Variants in ADAMTSL1 observed in about 807,000 individuals in gnomAD.
The protein encoded by ADAMTSL1 is ADAMTS-like protein 1.
Under a neutral mutation model 201.8 loss-of-function variants are expected in ADAMTSL1, and 126 were observed. The ratio of observed to expected loss-of-function variants is 0.62; its 90% CI spans 0.54 to 0.72. The LOEUF (loss-of-function observed/expected upper bound fraction) is 0.72. ADAMTSL1 is among the 30% of genes least tolerant of loss of function. The pLI, the probability that ADAMTSL1 is intolerant of heterozygous loss-of-function variation, is 0.00. For missense variants in ADAMTSL1, 2,679 were observed against 2,277.8 expected (o/e 1.18, Z -3.59); for synonymous variants, 1,121 against 903.4 (o/e 1.24, Z -4.32).
At chr9:18,467,992 C>T (rs1345730154) in intron 2 of ADAMTSL1, among the ~76,000 whole-genome samples, 1 of 152,100 alleles carries the variant, frequency 6.6e-6, no homozygotes, top group South Asian at 2.1e-4. Flanking sequence ...GAATTAGGGG[C>T]CTTGGATTTA....
At chr9:18,188,515 T>A (rs112026656) in intron 2 of ADAMTSL1, among the ~76,000 whole-genome samples, 528 of 152,180 alleles carry the variant, frequency 3.5e-3, no homozygotes, top group Non-Finnish European at 5.7e-3. Flanking sequence ...TTTTACTAGA[T>A]GAGAAAGGAT....
intron 1 of ADAMTSL1, among the ~76,000 whole-genome samples, chr9:17,949,335 G>A (rs2131369441): frequency 6.6e-6 from 1 of 152,162 alleles, no homozygotes; most frequent in African/African-American, 2.4e-5. Flanking sequence ...GAGATATGAA[G>A]GGCTTGCCTT....
chr9:17,909,385 A>C (rs1461465753), intron 1 of ADAMTSL1, among the ~76,000 whole-genome samples: 1 of 146,126 alleles, frequency 6.8e-6, no homozygotes, highest in Non-Finnish European at 1.5e-5. Context: ...TTTATACATG[A>C]AGTCCTTGCC....
At chr9:18,138,145 G>A (rs1188151157) in intron 1 of ADAMTSL1, among the ~76,000 whole-genome samples, 1 of 152,070 alleles carries the variant, frequency 6.6e-6, no homozygotes, top group East Asian at 1.9e-4. Context: ...TGTAAGGGAG[G>A]GGTGATGGAA....
intron 2 of ADAMTSL1, among the ~76,000 whole-genome samples, chr9:18,325,503 T>C (rs1295384439): frequency 6.6e-6 from 1 of 152,208 alleles, no homozygotes; most frequent in Non-Finnish European, 1.5e-5. Context: ...AGATACACTA[T>C]TGGATATATG....
intron 4 of ADAMTSL1, among the ~76,000 whole-genome samples, chr9:18,581,042 G>T (rs530803194): frequency 6.6e-6 from 1 of 152,020 alleles, no homozygotes; most frequent in Admixed American, 6.6e-5. Context: ...TTCTCCCACA[G>T]TTCATGAGGC....
chr9:18,814,919 A>G (rs757842924), intron 20 of ADAMTSL1, among the ~76,000 whole-genome samples: 6 of 152,230 alleles, frequency 3.9e-5, no homozygotes, highest in Non-Finnish European at 7.3e-5. Flanking sequence ...CGTTTCTCAA[A>G]AGAATACATA....
rs114487746 is a variant in ADAMTSL1, at chr9:18,744,346, C to A, written c.2007-8952C>A. Among the ~76,000 whole-genome samples the A allele has an allele frequency of 5.7e-3, 868 of 152,366 alleles. 13 individuals carry two copies. The highest frequency in any genetic ancestry group is 0.02 in the African/African-American group (832 of 41,580). ...GTAAGCATGGTTTCCACTTCTGGAT[C>A]TGTCACAATGCTTAGCAATGAATGC... is the stretch of plus-strand genomic sequence containing the variant. On this transcript the variant is annotated intron_variant, in intron 15 of 28. Coordinates refer to ENST00000380548, the MANE Select transcript of ADAMTSL1 (RefSeq NM_001040272.6).
At chr9:18,491,310 C>T (rs1315637123) in intron 1 of ADAMTSL1, among the ~76,000 whole-genome samples, 2 of 152,176 alleles carry the variant, frequency 1.3e-5, no homozygotes, top group Non-Finnish European at 2.9e-5. Context: ...GTAATTCTAA[C>T]ACTGCCTGAG....
chr9:18,223,802 G>A (rs933273204), intron 2 of ADAMTSL1, among the ~76,000 whole-genome samples: 6 of 151,772 alleles, frequency 4.0e-5, no homozygotes, highest in Admixed American at 1.3e-4. Context: ...TTCTTTATGG[G>A]ACCAGTGATT....
At chr9:17,908,131 C>A (rs536992177) in intron 1 of ADAMTSL1, among the ~76,000 whole-genome samples, 1 of 152,130 alleles carries the variant, frequency 6.6e-6, no homozygotes, top group Non-Finnish European at 1.5e-5. Context: ...GCAGGGATTA[C>A]TCTCATCAGT....
At position 18,333,186 on chromosome 9, in the gene ADAMTSL1, A is replaced by G. The variant is rs149613844; in HGVS notation, c.207+169205A>G. ...TTGCCATGTATTTATACCAAGTGAT[A>G]TGGTTTGGCTGTGTCCCCACCTAAA... On this transcript the variant is annotated intron_variant, in intron 2 of 29. Transcript: ENST00000680146. Among the ~76,000 whole-genome samples, 4 of 152,252 alleles carry G rather than the reference A, an allele frequency of 2.6e-5. No homozygotes were observed. The East Asian group carries it at 7.7e-4, about 29-fold the overall frequency.
chr9:18,837,948 C>T (rs2131300121), intron 23 of ADAMTSL1, among the ~76,000 whole-genome samples: 1 of 152,262 alleles, frequency 6.6e-6, no homozygotes, highest in Non-Finnish European at 1.5e-5. Context: ...ATCTCTGTGT[C>T]CTTCATCCTG....
chr9:18,721,484 C>CCA, intron 14 of ADAMTSL1, 52 bp from the exon 15 acceptor site: 7 of 1,595,210 alleles, frequency 4.4e-6, no homozygotes, highest in South Asian at 3.4e-5. Flanking sequence ...TCATCACCCC[C>CCA]CACACACACA....
chr9:18,217,698 C>T (rs1433895715), intron 2 of ADAMTSL1, among the ~76,000 whole-genome samples: 1 of 152,174 alleles, frequency 6.6e-6, no homozygotes, highest in Non-Finnish European at 1.5e-5. Flanking sequence ...ATGCCAAAGG[C>T]CATTTGCACC....
chr9:17,925,810 C>G (rs1287603661), intron 1 of ADAMTSL1, among the ~76,000 whole-genome samples: 2 of 148,818 alleles, frequency 1.3e-5, no homozygotes, highest in Non-Finnish European at 3.0e-5. Context: ...ACGTATGTAA[C>G]TAACCTGCAC....
chr9:18,028,517 C>T (rs1013546545), intron 1 of ADAMTSL1, among the ~76,000 whole-genome samples: 1 of 151,990 alleles, frequency 6.6e-6, no homozygotes, highest in Non-Finnish European at 1.5e-5. Flanking sequence ...CTTCTCTGAC[C>T]CTTTTCTCTA....
At chr9:18,324,475 C>G (rs1227602840) in intron 2 of ADAMTSL1, among the ~76,000 whole-genome samples, 5 of 150,466 alleles carry the variant, frequency 3.3e-5, no homozygotes, top group Non-Finnish European at 7.4e-5. Flanking sequence ...AAATAACACA[C>G]TACATCAGGC....
intron 1 of ADAMTSL1, among the ~76,000 whole-genome samples, chr9:18,012,094 G>A (rs146342345): frequency 8.5e-5 from 13 of 152,118 alleles, no homozygotes; most frequent in African/African-American, 2.9e-4. Context: ...AGGTCCAGGG[G>A]TTGCAGGTGC....
Sources: allele counts gnomAD v4.1 joint callset (sites outside exome capture counted in the v4.1 genomes callset), GRCh38; gene constraint gnomAD v4.1.1; transcripts MANE v1.5; gene names NCBI Gene and HGNC (gene_info 2026-07-23, HGNC 2026-07-21).